The following TCEA2 variants were observed in gnomAD, a reference collection of about 807,000 sequenced individuals.
TCEA2 encodes transcription elongation factor A2.
A neutral mutation model predicts 40.8 loss-of-function variants in TCEA2; 21 were observed. That is an observed-to-expected ratio of 0.51 (90% CI 0.36 to 0.74). The LOEUF is 0.74. TCEA2 is among the 30% of genes least tolerant of loss of function. The probability of loss-of-function intolerance (pLI) is 0.00; values close to 1 mark genes in which losing one functional copy is unlikely to be tolerated. For missense variants in TCEA2, 326 were observed against 426.5 expected (o/e 0.76, Z 2.08); for synonymous variants, 165 against 162.7 (o/e 1.01, Z -0.11).
chr20:64,070,352 C>T lies in TCEA2; in HGVS notation c.610C>T (p.Leu204=). 6.2e-7 allele frequency: 1 copy of T among 1,614,224 alleles called. No individual in the cohort carries two copies. The change falls in exon 7 of 10, where the codon CTG becomes TTG. Residue 204 remains leucine, a synonymous_variant. Coordinates refer to ENST00000343484, the MANE Select transcript of TCEA2 (RefSeq NM_003195.6). ...SNLKDAKNPD[L]RRNVLCGAIT... ...CCTGAAGGATGCCAAGAACCCTGACCTGCGGCGGAATGTGCTGTGTGGGGC... is the reference window on the plus strand; with the variant it reads ...CCTGAAGGATGCCAAGAACCCTGACTTGCGGCGGAATGTGCTGTGTGGGGC...
At position 64,072,317 on chromosome 20, in the gene TCEA2, C is replaced by A; in HGVS notation, c.*137C>A. 1 of 930,838 alleles carries A rather than the reference C, an allele frequency of 1.1e-6. No individual in the cohort carries two copies. Among genetic ancestry groups the A allele is most frequent in the Non-Finnish European group, 1.6e-6 (1 of 608,008 alleles). The allele number at this position is 930,838 out of a possible 1,614,324, so 57.7% of individuals were successfully genotyped here. ...CCTGGATTGCACCTTTCTGCCCTTT[C>A]CCCCTCATTATTAAATGTTTCTTTT... On this transcript the variant is annotated 3_prime_UTR_variant, in exon 10 of 10. Coordinates refer to ENST00000343484, the MANE Select transcript of TCEA2 (RefSeq NM_003195.6).
At chr20:64,066,871 G>A (rs200794217) in intron 2 of TCEA2, 44 bp from the exon 3 acceptor site, 313 of 1,583,306 alleles carry the variant, frequency 2.0e-4, no homozygotes, top group African/African-American at 2.7e-4. Flanking sequence ...CTGACCCCTA[G>A]GGTGGGCCCC....
upstream of TCEA2, among the ~76,000 whole-genome samples, chr20:64,060,687 G>A (rs1175787497): frequency 6.6e-6 from 1 of 152,186 alleles, no homozygotes; most frequent in African/African-American, 2.4e-5. Context: ...CAGTCAGTAT[G>A]GAAACCGTGT....
upstream of TCEA2, among the ~76,000 whole-genome samples, chr20:64,058,241 C>T (rs1457545010): frequency 1.3e-5 from 2 of 152,236 alleles, no homozygotes; most frequent in Non-Finnish European, 2.9e-5. The surrounding 1 kb of genome is among the most constrained non-coding windows in gnomAD (Gnocchi z 6.7). Flanking sequence ...ATGAACCAGG[C>T]CACCAGTGAC....
intron 1 of TCEA2, among the ~76,000 whole-genome samples, chr20:64,064,654 G>A (rs2059645269): frequency 6.6e-6 from 1 of 152,132 alleles, no homozygotes; most frequent in Non-Finnish European, 1.5e-5. Context: ...GTGGGGGTTT[G>A]GGGGAAGCTT....
At chr20:64,061,533 C>T (rs1052042428), upstream of TCEA2, among the ~76,000 whole-genome samples, 1 of 151,948 alleles carries the variant, frequency 6.6e-6, no homozygotes. Flanking sequence ...CCTTGGCCTC[C>T]CAAAGTGCTG....
At chr20:64,067,108 C>T (rs907799657) in intron 3 of TCEA2, 88 bp downstream of exon 3, 3 of 1,355,414 alleles carry the variant, frequency 2.2e-6, no homozygotes, top group Non-Finnish European at 3.1e-6. Flanking sequence ...AGAGTGCTGG[C>T]AGTGTCCACC....
chr20:64,061,006 G>T (rs534755690), upstream of TCEA2, among the ~76,000 whole-genome samples: 1 of 149,940 alleles, frequency 6.7e-6, no homozygotes. Flanking sequence ...TCACCCTGTT[G>T]CCCAGGCTGG....
At chr20:64,066,252 A>T in intron 1 of TCEA2, 4 of 508,740 alleles carry the variant, frequency 7.9e-6, no homozygotes, top group Non-Finnish European at 1.4e-5. Flanking sequence ...AGGCTGCAGA[A>T]CCCCTCCCCT....
chr20:64,066,372 C>A (rs945052324), intron 1 of TCEA2, 104 bp from the exon 2 acceptor site: 2 of 1,423,562 alleles, frequency 1.4e-6, no homozygotes, highest in Non-Finnish European at 9.8e-7. Flanking sequence ...CAGGTTGAAT[C>A]TCCAAATTGT....
chr20:64,056,008 G>A (rs1160313357), upstream of TCEA2, among the ~76,000 whole-genome samples: 2 of 152,092 alleles, frequency 1.3e-5, no homozygotes, highest in African/African-American at 4.8e-5. Context: ...GTGGCCGCCA[G>A]GCTGGCGGGC....
upstream of TCEA2, among the ~76,000 whole-genome samples, chr20:64,062,035 G>T (rs575472664): frequency 5.3e-5 from 8 of 152,244 alleles, no homozygotes; most frequent in South Asian, 1.7e-3. Flanking sequence ...CGGCTAAGAT[G>T]AGTCTCTTAA....
upstream of TCEA2, among the ~76,000 whole-genome samples, chr20:64,059,050 G>A (rs553553160): frequency 5.4e-4 from 82 of 152,168 alleles, 3 homozygotes; most frequent in South Asian, 0.017. Context: ...CATATTAGCC[G>A]GGTGTGGTGG....
At chr20:64,063,105 C>CGGCGGGCGCGGCA (rs1211458963), upstream of TCEA2, 10 of 303,320 alleles carry the variant, frequency 3.3e-5, no homozygotes, top group African/African-American at 6.7e-5. Context: ...AGCGCGGGCG[C>CGGCGGGCGCGGCA]GGCGGGCGCG....
At chr20:64,068,454 C>A (rs1244952763) in intron 4 of TCEA2, among the ~76,000 whole-genome samples, 1 of 152,220 alleles carries the variant, frequency 6.6e-6, no homozygotes, top group Non-Finnish European at 1.5e-5. Flanking sequence ...TCTTGCTGGC[C>A]CACTCTGGCT....
rs759969085 is a variant in TCEA2, at chr20:64,068,055, G to A, written c.250G>A (p.Asp84Asn). The A allele has an allele frequency of 3.7e-6, 6 of 1,604,564 alleles. No individual in the cohort carries two copies. Among genetic ancestry groups the A allele is most frequent in the East Asian group, 2.3e-5 (1 of 44,424 alleles). The change falls in exon 4 of 10, where the codon GAT becomes AAT. Residue 84 changes from aspartate (D) to asparagine (N), a missense_variant. Asp to Asn is a conservative substitution (Grantham distance 23). Transcript: ENST00000343484. ...CCCGATCTTTCCTGCAGATGCTTCC[G>A]ATGCCAAAGCCAGGGAGCGGGGGAG... ...KSWKKLLDAS[D>N]AKARERGRGM... is the part of the protein sequence containing the mutation.
upstream of TCEA2, among the ~76,000 whole-genome samples, chr20:64,062,204 C>A (rs141743506): frequency 1.3e-5 from 2 of 152,220 alleles, no homozygotes; most frequent in Non-Finnish European, 2.9e-5. Flanking sequence ...TTGATCCACA[C>A]CCTCCCCCAG....
In TCEA2 at chr20:64,066,462, CCTT is replaced by C; in HGVS notation, c.73-11_73-9del. ...ATCTAAAGTCCTTTATGAAGGTCCT[CCTT>C]CTCCTTCCAGGAGGGAGCCATGGAT... On this transcript the variant is annotated splice_polypyrimidine_tract_variant and intron_variant, in intron 1 of 9. Transcript: ENST00000343484. 1 of 1,613,284 alleles carries C rather than the reference CCTT, an allele frequency of 6.2e-7. No individual in the cohort carries two copies. Among genetic ancestry groups the C allele is most frequent in the Non-Finnish European group, 8.5e-7 (1 of 1,179,376 alleles).
At position 64,063,625 on chromosome 20, in the gene TCEA2, C is replaced by G. The variant is rs547831911; in HGVS notation, c.72+241C>G. The stretch of plus-strand genomic sequence containing the variant: ...CCGCGATCAGGCCTGGACCTTGTCC[C>G]GGGAGAGCCACCCGCTCTGGACTCA... On this transcript the variant is annotated intron_variant, in intron 1 of 9. Coordinates refer to ENST00000343484, the MANE Select transcript of TCEA2 (RefSeq NM_003195.6). 8.5e-5 allele frequency: 46 copies of G among 543,880 alleles called. 1 individual carries two copies. The highest frequency in any genetic ancestry group is 3.8e-4 in the Admixed American group (11 of 29,176). 33.7% of individuals were successfully genotyped at this position (543,880 alleles called of 1,614,324 possible).
Sources: gnomAD v4.1 joint callset for allele counts (sites outside exome capture counted in the v4.1 genomes callset) on GRCh38, gnomAD v4.1.1 for gene constraint, Gnocchi (gnomAD v3.1) non-coding constraint, MANE v1.5 for transcripts, NCBI Gene and HGNC (gene_info 2026-07-23, HGNC 2026-07-21) for gene names.